Variants in DOCK2 observed in about 807,000 individuals in gnomAD.
The protein encoded by DOCK2 is dedicator of cytokinesis 2, also known as dedicator of cytokinesis protein 2.
A neutral mutation model predicts 248.9 loss-of-function variants in DOCK2; 87 were observed. That is an observed-to-expected ratio of 0.35 (90% confidence interval 0.29 to 0.42). The LOEUF is 0.42. Among genes scored for constraint, DOCK2 ranks in the 10% least tolerant of loss-of-function variants. The pLI, the probability that DOCK2 is intolerant of heterozygous loss-of-function variation, is 1.00. For missense variants in DOCK2, 1,747 were observed against 2,300.2 expected (o/e 0.76, Z 4.92); for synonymous variants, 805 against 821.6 (o/e 0.98, Z 0.35).
At chr5:170,062,928 G>T (rs1206919590) in intron 44 of DOCK2, among the ~76,000 whole-genome samples, 1 of 152,132 alleles carries the variant, frequency 6.6e-6, no homozygotes, top group Non-Finnish European at 1.5e-5. Flanking sequence ...CCCACTGGCA[G>T]CCTGAGAAGC....
chr5:169,789,030 C>A (rs1766161985), intron 25 of DOCK2, among the ~76,000 whole-genome samples: 1 of 152,122 alleles, frequency 6.6e-6, no homozygotes, highest in Non-Finnish European at 1.5e-5. Context: ...GAGGGTTGTT[C>A]CCCTCTGAGT....
At chr5:170,050,551 A>G (rs988626662) in intron 41 of DOCK2, among the ~76,000 whole-genome samples, 154 bp downstream of exon 41, 1 of 152,108 alleles carries the variant, frequency 6.6e-6, no homozygotes, top group African/African-American at 2.4e-5. Context: ...CTTTGGATCC[A>G]TGTTCTTTGG....
chr5:169,864,522 C>G (rs1168471894), intron 27 of DOCK2: 5 of 1,252,926 alleles, frequency 4.0e-6, no homozygotes, highest in Admixed American at 5.5e-5. Context: ...GATTAAGCAT[C>G]TCTCAGCCCC....
chr5:169,883,155 A>T (rs1301017929), intron 27 of DOCK2: 5 of 1,551,388 alleles, frequency 3.2e-6, no homozygotes, highest in Admixed American at 2.0e-5. Context: ...AATCTAGTGG[A>T]GTCACCCTTC....
intron 29 of DOCK2, among the ~76,000 whole-genome samples, chr5:169,992,796 G>T (rs1778242931): frequency 6.6e-6 from 1 of 151,920 alleles, no homozygotes; most frequent in Non-Finnish European, 1.5e-5. Flanking sequence ...CAAGAAAAAT[G>T]AGAAGAAAAA....
chr5:169,926,197 C>T lies in DOCK2; in HGVS notation c.2800-56871C>T, dbSNP rs73325996. The stretch of plus-strand genomic sequence containing the variant: ...GTCGGCATGGATGTGGATAGGTAGA[C>T]GCAGGCCCAGTGCCTGACTTGGGGA... On this transcript the variant is annotated intron_variant, in intron 27 of 51. Transcript: ENST00000520908. 3.8e-3 allele frequency among the ~76,000 whole-genome samples: 579 copies of T among 152,234 alleles called. 4 individuals are homozygous for T. Among genetic ancestry groups the T allele is most frequent in the African/African-American group, 0.013 (557 of 41,538 alleles).
chr5:169,660,920 C>T (rs192759890), intron 2 of DOCK2, among the ~76,000 whole-genome samples: 6 of 151,752 alleles, frequency 4.0e-5, no homozygotes, highest in African/African-American at 7.3e-5. Context: ...GTTTCATTTG[C>T]GGCATGTCTA....
intron 33 of DOCK2, among the ~76,000 whole-genome samples, chr5:170,025,186 T>C (rs1163301650): frequency 6.6e-6 from 1 of 152,254 alleles, no homozygotes; most frequent in African/African-American, 2.4e-5. Context: ...GCCCTATAGC[T>C]ACTCCACACT....
chr5:169,685,518 C>A (rs77056046), intron 8 of DOCK2, among the ~76,000 whole-genome samples: 1 of 152,122 alleles, frequency 6.6e-6, no homozygotes, highest in East Asian at 1.9e-4. Flanking sequence ...CCACCACGCC[C>A]GGCTAATTTT....
intron 27 of DOCK2, among the ~76,000 whole-genome samples, chr5:169,909,134 A>G (rs1222421810): frequency 1.3e-5 from 2 of 152,160 alleles, no homozygotes; most frequent in Admixed American, 6.5e-5. Context: ...CTGTGCCTCC[A>G]TTTCTAAAGC....
chr5:169,810,987 T>TCACACACACA (rs1199485632), intron 26 of DOCK2, among the ~76,000 whole-genome samples: 1 of 75,930 alleles, frequency 1.3e-5, no homozygotes, highest in Non-Finnish European at 2.9e-5. Flanking sequence ...TCTCTCTCTC[T>TCACACACACA]CTCACACACA....
At chr5:169,779,060 T>C (rs960463294) in intron 25 of DOCK2, among the ~76,000 whole-genome samples, 6 of 152,198 alleles carry the variant, frequency 3.9e-5, no homozygotes, top group Non-Finnish European at 7.3e-5. Flanking sequence ...ATATGGGAAC[T>C]GTGTACTTTT....
At chr5:169,896,224 C>T (rs1773598181) in intron 27 of DOCK2, among the ~76,000 whole-genome samples, 1 of 152,152 alleles carries the variant, frequency 6.6e-6, no homozygotes, top group Non-Finnish European at 1.5e-5. Context: ...TTAAAGCTCA[C>T]ATCAACATTC....
At chr5:169,743,383 G>A (rs1284516820) in intron 22 of DOCK2, among the ~76,000 whole-genome samples, 2 of 152,154 alleles carry the variant, frequency 1.3e-5, no homozygotes, top group Non-Finnish European at 2.9e-5. Context: ...GCCAGCTTGG[G>A]CAACATATTG....
At chr5:169,984,802 C>T (rs937087191) in intron 28 of DOCK2, among the ~76,000 whole-genome samples, 3 of 152,166 alleles carry the variant, frequency 2.0e-5, no homozygotes, top group Non-Finnish European at 2.9e-5. Context: ...CAACTCTGAA[C>T]GGATTTCCTC....
intron 25 of DOCK2, among the ~76,000 whole-genome samples, chr5:169,791,239 T>C (rs1766320317): frequency 6.6e-6 from 1 of 152,196 alleles, no homozygotes. Flanking sequence ...CACCCCAGGC[T>C]CTCACTGTCT....
At position 169,864,532 on chromosome 5, in the gene DOCK2, C is replaced by T. The variant is rs934873440; in HGVS notation, c.2799+23680C>T. 1.1e-5 allele frequency: 13 copies of T among 1,166,822 alleles called. No homozygotes were observed. The African/African-American group carries it at 1.2e-4, about 11-fold the overall frequency. 72.3% of individuals were successfully genotyped at this position (1,166,822 alleles called of 1,614,324 possible). On this transcript the variant is annotated intron_variant, in intron 27 of 51. Transcript: ENST00000520908. ...AGACTGATTAAGCATCTCTCAGCCC[C>T]AACTAATATGGAAGAGCATGAGCTT... is the stretch of plus-strand genomic sequence containing the variant.
chr5:169,787,948 G>T (rs898769143), intron 25 of DOCK2, among the ~76,000 whole-genome samples: 15 of 151,230 alleles, frequency 9.9e-5, no homozygotes, highest in Non-Finnish European at 1.9e-4. Context: ...TATTTTTTTT[G>T]TAGGGGGCAG....
At chr5:169,677,922 AG>A (rs1378504156) in intron 6 of DOCK2, among the ~76,000 whole-genome samples, 1 of 152,214 alleles carries the variant, frequency 6.6e-6, no homozygotes, top group African/African-American at 2.4e-5. Context: ...TGTAGGGTGC[AG>A]GGGCTGTGTG....
Sources: allele counts gnomAD v4.1 joint callset (sites outside exome capture counted in the v4.1 genomes callset), GRCh38; gene constraint gnomAD v4.1.1; transcripts MANE v1.5; gene names NCBI Gene and HGNC (gene_info 2026-07-23, HGNC 2026-07-21).